The following ERCC3 variants were observed in gnomAD, a reference collection of about 807,000 sequenced individuals.
The protein encoded by ERCC3 is general transcription and DNA repair factor IIH helicase/translocase subunit XPB.
In ERCC3, 66 loss-of-function variants were observed where a neutral mutation model predicts 94.2. The ratio of observed to expected loss-of-function variants is 0.70; its 90% CI spans 0.57 to 0.86. The LOEUF (loss-of-function observed/expected upper bound fraction) is 0.86, where lower values mean the gene tolerates loss of function less well. ERCC3 is among the 40% of genes least tolerant of loss of function. The probability of loss-of-function intolerance (pLI) is 0.00; values close to 1 mark genes in which losing one functional copy is unlikely to be tolerated. For missense variants in ERCC3, 829 were observed against 987.1 expected, an observed-to-expected ratio of 0.84 and a Z score of 2.15; for synonymous variants, 349 against 369.1, an observed-to-expected ratio of 0.95 and a Z score of 0.63.
At chr2:127,287,072 G>T in intron 7 of ERCC3, 55 bp from the exon 8 acceptor site, 1 of 1,407,518 alleles carries the variant, frequency 7.1e-7, no homozygotes, top group Non-Finnish European at 1.0e-6. Flanking sequence ...TGAAGGACAG[G>T]GACAGGCAGA....
chr2:127,266,366 C>T (rs1480158906), intron 12 of ERCC3, among the ~76,000 whole-genome samples: 2 of 125,750 alleles, frequency 1.6e-5, no homozygotes, highest in Admixed American at 8.5e-5. Flanking sequence ...GAGAGAGTCT[C>T]GCTCTGTTGC....
intron 12 of ERCC3, among the ~76,000 whole-genome samples, chr2:127,263,702 GTTCT>G (rs139718036): frequency 0.19 from 28,817 of 148,314 alleles, 2,843 homozygotes; most frequent in South Asian, 0.33. Flanking sequence ...TCTTGTTCCA[GTTCT>G]TTTTTTTTTT....
At chr2:127,293,401 G>T in intron 2 of ERCC3, 112 bp downstream of exon 2, 1 of 1,003,496 alleles carries the variant, frequency 1.0e-6, no homozygotes, top group Non-Finnish European at 1.5e-6. Context: ...ATTCTCTCCC[G>T]GCCAGTTCTA....
chr2:127,259,736 G>C lies in ERCC3; in HGVS notation c.2065-288C>G. On this transcript the variant is annotated intron_variant, in intron 13 of 14. Transcript: ENST00000285398. The surrounding 1 kb of genome is among the most constrained non-coding windows in gnomAD (Gnocchi z 4.9). ...ATCATGTATGGAAGATCAACAGGAA[G>C]AATCTTAGTGATTTTAAAAGGCTCC... 2.3e-6 allele frequency: 1 copy of C among 442,810 alleles called. No individual in the cohort carries two copies. Among genetic ancestry groups the C allele is most frequent in the East Asian group, 4.7e-5 (1 of 21,342 alleles). The allele number at this position is 442,810 out of a possible 1,614,324, so 27.4% of individuals were successfully genotyped here. A position where few individuals can be genotyped will look rare whatever the true frequency, so the allele number is the denominator to read the frequency against.
chr2:127,289,918 C>A, intron 4 of ERCC3, 94 bp from the exon 5 acceptor site: 1 of 1,397,854 alleles, frequency 7.2e-7, no homozygotes, highest in Non-Finnish European at 1.0e-6. Context: ...GAAATACAAG[C>A]CTCATGACTC....
At chr2:127,285,465 C>A (rs573467289) in intron 8 of ERCC3, among the ~76,000 whole-genome samples, 10 of 152,146 alleles carry the variant, frequency 6.6e-5, no homozygotes, top group Non-Finnish European at 1.0e-4. Flanking sequence ...CTGAGGTGGG[C>A]GGATCACCTG....
At chr2:127,292,027 G>GATTC (rs1402636088) in intron 3 of ERCC3, 1 of 178,926 alleles carries the variant, frequency 5.6e-6, no homozygotes, top group Non-Finnish European at 1.2e-5. Context: ...GGTATCAGCC[G>GATTC]ATTCAGTTTC....
In ERCC3 at chr2:127,291,119, G is replaced by C. The variant is rs899868396; in HGVS notation, c.472-846C>G. Among the ~76,000 whole-genome samples, 11 of 152,082 alleles carry C rather than the reference G, an allele frequency of 7.2e-5. No individual in the cohort carries two copies. The highest frequency in any genetic ancestry group is 1.0e-4 in the Non-Finnish European group (7 of 68,024). On this transcript the variant is annotated intron_variant, in intron 3 of 14. Coordinates refer to ENST00000285398, the MANE Select transcript of ERCC3 (RefSeq NM_000122.2). The surrounding 1 kb of genome is among the most constrained non-coding windows in gnomAD (Gnocchi z 4.9). ...AAAAAAAATTTGCCAGTCAGACTTT[G>C]AGGGGCTGCCTATCCCCGCTGTTGT...
In ERCC3 at chr2:127,284,715, A is replaced by T. The variant is rs1685014224; in HGVS notation, c.1342+1988T>A. The stretch of plus-strand genomic sequence containing the variant: ...TTTTTTTTTTGAGACAGAGTCTCAC[A>T]CTCTGTCACCCATGCTGGAGTACAG... On this transcript the variant is annotated intron_variant, in intron 8 of 14. Transcript: ENST00000285398. This position sits in a 1 kb window ranked among gnomAD's most constrained non-coding sequence, Gnocchi z 4.1. Among the ~76,000 whole-genome samples the T allele has an allele frequency of 6.6e-6, 1 of 150,778 alleles. No individual in the cohort carries two copies. Among genetic ancestry groups the T allele is most frequent in the Admixed American group, 6.6e-5 (1 of 15,130 alleles).
At chr2:127,278,951 C>T (rs1470903045) in intron 10 of ERCC3, among the ~76,000 whole-genome samples, 1 of 152,202 alleles carries the variant, frequency 6.6e-6, no homozygotes, top group African/African-American at 2.4e-5. Context: ...GTTCTTTGGG[C>T]TCAAGGTGAC....
chr2:127,261,145 A>T, intron 13 of ERCC3, 83 bp downstream of exon 13: 1 of 818,360 alleles, frequency 1.2e-6, no homozygotes, highest in South Asian at 1.3e-5. Context: ...CTGCCTGCTG[A>T]CAGTGGCCCT....
Position 127,271,219 on chromosome 2 carries a change from C to A in ERCC3, c.1945+117G>T. 1.3e-6 allele frequency: 1 copy of A among 789,862 alleles called. No individual in the cohort carries two copies. Among genetic ancestry groups the A allele is most frequent in the Non-Finnish European group, 2.3e-6 (1 of 436,784 alleles). The allele number at this position is 789,862 out of a possible 1,614,324, so 48.9% of individuals were successfully genotyped here. A position where few individuals can be genotyped will look rare whatever the true frequency, so the allele number is the denominator to read the frequency against. Reference sequence around the variant, plus strand: ...CTAGGTCTTTGCTTTGGGATTCTCTCCCTCCAGAGTCTATTTAGCCCCAGG... The same window carrying A: ...CTAGGTCTTTGCTTTGGGATTCTCTACCTCCAGAGTCTATTTAGCCCCAGG... On this transcript the variant is annotated intron_variant, in intron 12 of 14. Coordinates refer to ENST00000285398, the MANE Select transcript of ERCC3 (RefSeq NM_000122.2). This position sits in a 1 kb window ranked among gnomAD's most constrained non-coding sequence, Gnocchi z 5.0.
At position 127,280,827 on chromosome 2, in the gene ERCC3, T is replaced by C; in HGVS notation, c.1343-196A>G. On this transcript the variant is annotated intron_variant, in intron 8 of 14. Coordinates refer to ENST00000285398, the MANE Select transcript of ERCC3 (RefSeq NM_000122.2). This position sits in a 1 kb window ranked among gnomAD's most constrained non-coding sequence, Gnocchi z 6.3. Reference sequence around the variant, plus strand: ...CAGACGTGACCCACTGCACCCAGCCTACACTGTCACTTTTTCAAATGCTCA... The same window carrying C: ...CAGACGTGACCCACTGCACCCAGCCCACACTGTCACTTTTTCAAATGCTCA... 1 of 600,400 alleles carries C rather than the reference T, an allele frequency of 1.7e-6. No individual in the cohort carries two copies. The highest frequency in any genetic ancestry group is 2.9e-6 in the Non-Finnish European group (1 of 341,942). The allele number at this position is 600,400 out of a possible 1,614,324, so 37.2% of individuals were successfully genotyped here.
intron 13 of ERCC3, chr2:127,260,887 G>A (rs1684170473): frequency 3.1e-6 from 1 of 319,848 alleles, no homozygotes; most frequent in South Asian, 2.7e-5. Context: ...ATGTCTGGGA[G>A]GCAAACTGAG....
chr2:127,259,617 G>C lies in ERCC3; in HGVS notation c.2065-169C>G, dbSNP rs1684131585. ...AGCATTCCAGAGACCAGCATCAGGA[G>C]CCGCCTTTAACAGGGAGCTTGACTA... On this transcript the variant is annotated intron_variant, in intron 13 of 14. Transcript: ENST00000285398. This position sits in a 1 kb window ranked among gnomAD's most constrained non-coding sequence, Gnocchi z 4.9. The C allele has an allele frequency of 3.7e-6, 3 of 806,712 alleles. No homozygotes were observed. The highest frequency in any genetic ancestry group is 2.0e-5 in the Admixed American group (1 of 50,606). 50.0% of individuals were successfully genotyped at this position (806,712 alleles called of 1,614,324 possible).
intron 1 of ERCC3, 55 bp downstream of exon 1, chr2:127,293,999 G>A (rs1181773093): frequency 2.5e-6 from 4 of 1,592,906 alleles, no homozygotes; most frequent in Non-Finnish European, 3.4e-6. Flanking sequence ...AGGCAGAGCG[G>A]GGGGCAGGGC....
Position 127,259,403 on chromosome 2 carries a change from A to C in ERCC3, c.2110T>G (p.Ser704Ala). 3 of 1,614,218 alleles carry C rather than the reference A, an allele frequency of 1.9e-6. No individual in the cohort carries two copies. Among genetic ancestry groups the C allele is most frequent in the Non-Finnish European group, 2.5e-6 (3 of 1,180,038 alleles). Residue 704 changes from serine (S) to alanine (A), a missense_variant, in exon 14 of 15, where the codon TCG becomes GCG. Transcript: ENST00000285398. The surrounding 1 kb of genome is among the most constrained non-coding windows in gnomAD (Gnocchi z 4.9). ...AGCTGCTGTTGCTCTTCTTTTGTCG[A>C]AAACGCCAAGTCTTCCTCCTCCATG... is the stretch of plus-strand genomic sequence containing the variant. ...AGMEEEDLAF[S>A]TKEEQQQLLQ...
chr2:127,279,275 G>C lies in ERCC3; in HGVS notation c.1628C>G (p.Ala543Gly). ...LYTMNPNKFR[A>G]CQFLIKFHER... is the part of the protein sequence containing the mutation. ...ATGAAACTTGATCAGAAACTGGCAA[G>C]CTCTAAATTTGTTGGGGTTCATGGT... The change falls in exon 10 of 15, where the codon GCT (alanine) becomes GGT (glycine). Residue 543 changes from alanine to glycine, a missense_variant. Physicochemically the swap from Ala to Gly is moderately conservative, Grantham distance 60 (BLOSUM62 0). Transcript: ENST00000285398. This position sits in a 1 kb window ranked among gnomAD's most constrained non-coding sequence, Gnocchi z 4.7. The C allele has an allele frequency of 1.9e-6, 3 of 1,613,486 alleles. No individual in the cohort carries two copies. Among genetic ancestry groups the C allele is most frequent in the Non-Finnish European group, 2.5e-6 (3 of 1,179,404 alleles).
In ERCC3 at chr2:127,288,661, G is replaced by A. The variant is rs752026166; in HGVS notation, c.1026C>T (p.Cys342=). 1.8e-5 allele frequency: 29 copies of A among 1,613,288 alleles called. No individual in the cohort carries two copies. The Admixed American group carries it at 2.3e-4, about 13-fold the overall frequency. Residue 342 remains cysteine, a splice_region_variant and synonymous_variant, in exon 7 of 15, where the codon TGC becomes TGT. Coordinates refer to ENST00000285398, the MANE Select transcript of ERCC3 (RefSeq NM_000122.2). ...CTTCTTAACTCTGGTACCACTTACC[G>A]CAGGGAAGAACAATGACCCCCGAAC... ...RARSGVIVLP[C]GAGKSLVGVT...
Sources: allele counts gnomAD v4.1 joint callset (sites outside exome capture counted in the v4.1 genomes callset), GRCh38; gene constraint gnomAD v4.1.1; non-coding constraint Gnocchi (gnomAD v3.1); transcripts MANE v1.5; gene names NCBI Gene and HGNC (gene_info 2026-07-23, HGNC 2026-07-21).